Variants in PCCA observed in about 807,000 individuals in gnomAD.
PCCA encodes propionyl-CoA carboxylase alpha chain, mitochondrial.
In PCCA, 74 loss-of-function variants were observed where a neutral mutation model predicts 101.3. The observed-to-expected ratio is 0.73, with a 90% CI of 0.61 to 0.89. The LOEUF (loss-of-function observed/expected upper bound fraction) is 0.89, where lower values mean the gene tolerates loss of function less well. Ranked by LOEUF, PCCA falls within the 40% of genes least tolerant of loss-of-function variation. PCCA has a pLI of 0.00. For synonymous variants in PCCA, 294 were observed against 313.6 expected (o/e 0.94, Z 0.66); for missense variants, 891 against 907.0 (o/e 0.98, Z 0.23).
intron 6 of PCCA, among the ~76,000 whole-genome samples, chr13:100,173,427 A>G (rs2055909317): frequency 6.6e-6 from 1 of 152,192 alleles, no homozygotes; most frequent in African/African-American, 2.4e-5. Flanking sequence ...AGCTGCAGAC[A>G]TTGATCGATA....
chr13:100,164,282 G>GA (rs2054810192), intron 6 of PCCA, among the ~76,000 whole-genome samples: 1 of 152,046 alleles, frequency 6.6e-6, no homozygotes. Context: ...TTATTAGATA[G>GA]AAAAAAAATG....
At chr13:100,357,185 T>C (rs2152792852) in intron 18 of PCCA, among the ~76,000 whole-genome samples, 1 of 152,332 alleles carries the variant, frequency 6.6e-6, no homozygotes, top group East Asian at 1.9e-4. Flanking sequence ...ATGGGTTAAA[T>C]GTATGATATG....
chr13:100,326,432 C>T (rs2068691883), intron 16 of PCCA, among the ~76,000 whole-genome samples: 1 of 152,176 alleles, frequency 6.6e-6, no homozygotes, highest in Non-Finnish European at 1.5e-5. Context: ...TTATTCAAGA[C>T]TGCTATTGAC....
chr13:100,197,372 T>G (rs762137481), intron 6 of PCCA, among the ~76,000 whole-genome samples: 3 of 152,146 alleles, frequency 2.0e-5, no homozygotes, highest in Admixed American at 6.5e-5. Flanking sequence ...TTAAATTTTT[T>G]TTTGTAGAAA....
chr13:100,122,249 G>A (rs1288728840), intron 4 of PCCA, among the ~76,000 whole-genome samples: 1 of 152,070 alleles, frequency 6.6e-6, no homozygotes, highest in Admixed American at 6.5e-5. Flanking sequence ...GCTGGATTCA[G>A]TTTGTTAGTA....
intron 19 of PCCA, among the ~76,000 whole-genome samples, chr13:100,376,063 G>A (rs1243315969): frequency 6.6e-6 from 1 of 152,192 alleles, no homozygotes; most frequent in Non-Finnish European, 1.5e-5. Flanking sequence ...TGCTGATGCT[G>A]TTCCTTTCTG....
intron 20 of PCCA, among the ~76,000 whole-genome samples, chr13:100,440,196 AT>A (rs1566308376): frequency 7.1e-5 from 6 of 84,718 alleles, no homozygotes; most frequent in Non-Finnish European, 1.2e-4. Flanking sequence ...ATATATATAT[AT>A]ATATATATAT....
chr13:100,486,496 G>A (rs1596129259), intron 21 of PCCA, among the ~76,000 whole-genome samples: 1 of 152,216 alleles, frequency 6.6e-6, no homozygotes, highest in Non-Finnish European at 1.5e-5. Flanking sequence ...ATATTCATAT[G>A]CAGCCATTAA....
At chr13:100,188,995 G>A (rs1447910153) in intron 6 of PCCA, among the ~76,000 whole-genome samples, 1 of 151,840 alleles carries the variant, frequency 6.6e-6, no homozygotes, top group South Asian at 2.1e-4. Flanking sequence ...CCATCAACCC[G>A]TCAGCTACAT....
At chr13:100,135,199 C>T (rs1400264066) in intron 4 of PCCA, among the ~76,000 whole-genome samples, 1 of 151,600 alleles carries the variant, frequency 6.6e-6, no homozygotes, top group African/African-American at 2.4e-5. Context: ...TGAGACCAGC[C>T]TGGGCAACAT....
Position 100,427,957 on chromosome 13 carries a change from G to A in PCCA, c.1845+2226G>A, listed in dbSNP as rs115285926. ...ATGAACTTCTTTGATCTTCACAATT[G>A]TATGAAGTAGGTGCTATTTATAGTT... On this transcript the variant is annotated intron_variant, in intron 20 of 23. Coordinates refer to ENST00000376285, the MANE Select transcript of PCCA (RefSeq NM_000282.4). 6.7e-3 allele frequency among the ~76,000 whole-genome samples: 1,015 copies of A among 152,220 alleles called. 15 individuals are homozygous for A. The highest frequency in any genetic ancestry group is 0.023 in the African/African-American group (969 of 41,536).
At chr13:100,386,933 T>A (rs12583282) in intron 19 of PCCA, among the ~76,000 whole-genome samples, 2,167 of 152,204 alleles carry the variant, frequency 0.014, 26 homozygotes, top group East Asian at 0.049. Context: ...CTATTTTTTT[T>A]AAAAAACATT....
intron 17 of PCCA, among the ~76,000 whole-genome samples, chr13:100,337,243 C>G (rs2070625617): frequency 6.6e-6 from 1 of 152,132 alleles, no homozygotes; most frequent in Non-Finnish European, 1.5e-5. Flanking sequence ...TCATGGCAGC[C>G]AGGCAGGGTT....
At chr13:100,429,197 G>A (rs534799983) in intron 20 of PCCA, among the ~76,000 whole-genome samples, 1 of 152,054 alleles carries the variant, frequency 6.6e-6, no homozygotes, top group African/African-American at 2.4e-5. Flanking sequence ...CTGTTAGCAT[G>A]GGCAAACCTC....
chr13:100,285,219 G>A (rs750865435), intron 12 of PCCA, among the ~76,000 whole-genome samples: 3 of 152,154 alleles, frequency 2.0e-5, no homozygotes, highest in African/African-American at 7.2e-5. Flanking sequence ...AGATAGCCAG[G>A]CCACTCTGTA....
At chr13:100,189,590 A>C (rs1326812650) in intron 6 of PCCA, among the ~76,000 whole-genome samples, 7 of 152,138 alleles carry the variant, frequency 4.6e-5, no homozygotes, top group Non-Finnish European at 7.4e-5. Flanking sequence ...GAAGCTTTTT[A>C]GTTTAATTAA....
chr13:100,135,084 T>C (rs1277758778), intron 4 of PCCA, among the ~76,000 whole-genome samples: 1 of 151,912 alleles, frequency 6.6e-6, no homozygotes, highest in Non-Finnish European at 1.5e-5. Flanking sequence ...GTAATTTTTT[T>C]TTGGAGACTC....
chr13:100,126,254 T>G (rs1184826233), intron 4 of PCCA, among the ~76,000 whole-genome samples: 6 of 152,170 alleles, frequency 3.9e-5, no homozygotes, highest in Admixed American at 6.5e-5. Flanking sequence ...TTGTGTCAAC[T>G]GTGCTGTGAT....
chr13:100,284,648 C>T (rs897213621), intron 12 of PCCA, among the ~76,000 whole-genome samples: 1 of 152,184 alleles, frequency 6.6e-6, no homozygotes, highest in Non-Finnish European at 1.5e-5. Context: ...CCACTATATC[C>T]AGTTGTACCC....
Sources: gnomAD v4.1 joint callset for allele counts (sites outside exome capture counted in the v4.1 genomes callset) on GRCh38, gnomAD v4.1.1 for gene constraint, MANE v1.5 for transcripts, NCBI Gene and HGNC (gene_info 2026-07-23, HGNC 2026-07-21) for gene names.